The following PRRC2C variants were observed in gnomAD, a reference collection of about 807,000 sequenced individuals.
The protein encoded by PRRC2C is protein PRRC2C.
A neutral mutation model predicts 317.2 loss-of-function variants in PRRC2C; 72 were observed. The ratio of observed to expected loss-of-function variants is 0.23; its 90% CI spans 0.19 to 0.28. The LOEUF (loss-of-function observed/expected upper bound fraction) is 0.28. Among genes scored for constraint, PRRC2C ranks in the 10% least tolerant of loss-of-function variants. PRRC2C has a pLI of 1.00. For synonymous variants in PRRC2C, 1,296 were observed against 1,205.9 expected (o/e 1.07, Z -1.55); for missense variants, 3,074 against 3,459.7 (o/e 0.89, Z 2.80).
chr1:171,549,309 C>T (rs1192667780), intron 17 of PRRC2C, among the ~76,000 whole-genome samples: 1 of 152,166 alleles, frequency 6.6e-6, no homozygotes, highest in Admixed American at 6.5e-5. Flanking sequence ...TATGCTGATA[C>T]TACAGGCATG....
intron 29 of PRRC2C, 40 bp downstream of exon 29, chr1:171,584,227 C>G (rs781449605): frequency 2.0e-6 from 3 of 1,495,436 alleles, no homozygotes; most frequent in Admixed American, 3.7e-5. Context: ...TCATTGTATT[C>G]CTATGCCACA....
intron 28 of PRRC2C, among the ~76,000 whole-genome samples, chr1:171,580,634 G>A (rs1421053872): frequency 1.3e-5 from 2 of 152,180 alleles, no homozygotes; most frequent in Admixed American, 6.5e-5. Flanking sequence ...GACTTGAAGA[G>A]GGTGAGGCTT....
intron 1 of PRRC2C, among the ~76,000 whole-genome samples, chr1:171,500,729 T>C (rs1412362865): frequency 6.6e-6 from 1 of 152,212 alleles, no homozygotes; most frequent in African/African-American, 2.4e-5. Flanking sequence ...ACTGCTGCCT[T>C]CCAAATTTCT....
intron 12 of PRRC2C, among the ~76,000 whole-genome samples, chr1:171,533,738 C>T (rs902768442): frequency 2.0e-5 from 3 of 152,104 alleles, no homozygotes; most frequent in African/African-American, 7.2e-5. Context: ...ATTCTCCTGC[C>T]CCAGCCTCCC....
chr1:171,585,737 C>G (rs1380410987), intron 30 of PRRC2C, among the ~76,000 whole-genome samples: 1 of 152,154 alleles, frequency 6.6e-6, no homozygotes, highest in Non-Finnish European at 1.5e-5. Context: ...AGTTTCTATT[C>G]TCTTCACTAC....
chr1:171,581,861 A>AGG (rs1648682458), intron 28 of PRRC2C, among the ~76,000 whole-genome samples: 5 of 152,162 alleles, frequency 3.3e-5, no homozygotes, highest in Non-Finnish European at 7.4e-5. Context: ...TTAACCCACT[A>AGG]CTTTTGATTT....
intron 2 of PRRC2C, 33 bp downstream of exon 2, chr1:171,512,233 A>T: frequency 7.0e-7 from 1 of 1,425,280 alleles, no homozygotes. Flanking sequence ...TATGTTTTTC[A>T]TGGTTTGTTT....
intron 5 of PRRC2C, 48 bp from the exon 6 acceptor site, chr1:171,517,543 C>T: frequency 6.4e-7 from 1 of 1,553,888 alleles, no homozygotes; most frequent in Non-Finnish European, 8.8e-7. Context: ...CACTTTGTTC[C>T]ATTTTCAGAT....
At chr1:171,497,780 T>A (rs1668394749) in intron 1 of PRRC2C, among the ~76,000 whole-genome samples, 1 of 151,994 alleles carries the variant, frequency 6.6e-6, no homozygotes, top group Non-Finnish European at 1.5e-5. Context: ...TAATCGGGTA[T>A]TTTTACGTTA....
At chr1:171,581,985 G>C (rs1648717836) in intron 28 of PRRC2C, among the ~76,000 whole-genome samples, 1 of 152,036 alleles carries the variant, frequency 6.6e-6, no homozygotes, top group Non-Finnish European at 1.5e-5. Context: ...TTTTGAGGGG[G>C]TGTGTTTTGG....
chr1:171,564,716 T>C (rs1487429801), intron 20 of PRRC2C, among the ~76,000 whole-genome samples: 1 of 152,206 alleles, frequency 6.6e-6, no homozygotes, highest in Non-Finnish European at 1.5e-5. Flanking sequence ...CCGTAGGCAG[T>C]TGTAACACAA....
At chr1:171,533,319 C>T (rs555853607) in intron 12 of PRRC2C, among the ~76,000 whole-genome samples, 144 of 152,266 alleles carry the variant, frequency 9.5e-4, no homozygotes, top group African/African-American at 3.4e-3. Context: ...ACTGAACTGG[C>T]ATAGAGCTTA....
chr1:171,514,155 T>C (rs1671881314), intron 3 of PRRC2C, among the ~76,000 whole-genome samples: 1 of 152,206 alleles, frequency 6.6e-6, no homozygotes, highest in Non-Finnish European at 1.5e-5. Context: ...TCAACTAATT[T>C]CACCAGTCCA....
At chr1:171,510,510 C>G (rs1056940845) in intron 1 of PRRC2C, 5 of 151,858 alleles carry the variant, frequency 3.3e-5, no homozygotes, top group African/African-American at 1.2e-4. Context: ...AATATTCTTT[C>G]TATATCTTTG....
At chr1:171,574,206 ATAT>A (rs747975926) in intron 24 of PRRC2C, among the ~76,000 whole-genome samples, 1 of 152,054 alleles carries the variant, frequency 6.6e-6, no homozygotes, top group African/African-American at 2.4e-5. Flanking sequence ...TTTAGTTATA[ATAT>A]TATAAATATT....
chr1:171,520,393 G>A (rs1383488980), intron 6 of PRRC2C, among the ~76,000 whole-genome samples: 1 of 152,164 alleles, frequency 6.6e-6, no homozygotes, highest in Admixed American at 6.5e-5. Context: ...TCATGTGAGA[G>A]GGTAGGATAG....
At chr1:171,583,176 C>T (rs1649083369) in intron 28 of PRRC2C, among the ~76,000 whole-genome samples, 1 of 152,042 alleles carries the variant, frequency 6.6e-6, no homozygotes, top group Non-Finnish European at 1.5e-5. Context: ...GTCTTGTTCT[C>T]TTGCCCAGGC....
At chr1:171,510,721 T>G (rs1381515669) in intron 1 of PRRC2C, 1 of 152,176 alleles carries the variant, frequency 6.6e-6, no homozygotes, top group Non-Finnish European at 1.5e-5. Flanking sequence ...GAAAGATGGT[T>G]TATTGTAAAC....
intron 1 of PRRC2C, among the ~76,000 whole-genome samples, chr1:171,505,007 T>C (rs946848041): frequency 5.3e-5 from 8 of 151,826 alleles, no homozygotes; most frequent in Non-Finnish European, 7.4e-5. Context: ...TTTTGTCAGA[T>C]GTATCCCTAA....
Sources: allele counts gnomAD v4.1 joint callset (sites outside exome capture counted in the v4.1 genomes callset), GRCh38; gene constraint gnomAD v4.1.1; transcripts MANE v1.5; gene names NCBI Gene and HGNC (gene_info 2026-07-23, HGNC 2026-07-21).